C5: variants seen among roughly 807,000 people sequenced by gnomAD.
The protein encoded by C5 is complement C5.
A neutral mutation model predicts 218.8 loss-of-function variants in C5; 140 were observed. The ratio of observed to expected loss-of-function variants is 0.64; its 90% CI spans 0.56 to 0.74. C5 has a LOEUF of 0.74. Ranked by LOEUF, C5 falls within the 30% of genes least tolerant of loss-of-function variation. C5 has a pLI of 0.00. For synonymous variants in C5, 614 were observed against 682.3 expected (o/e 0.90, Z 1.56); for missense variants, 1,700 against 1,969.6 (o/e 0.86, Z 2.59).
intron 17 of C5, among the ~76,000 whole-genome samples, chr9:121,012,413 C>T (rs1240250232): frequency 6.6e-6 from 1 of 152,156 alleles, no homozygotes; most frequent in African/African-American, 2.4e-5. Context: ...ACTTGGGAGG[C>T]TGAGGCAGGA....
At chr9:121,019,395 A>G (rs2047344028) in intron 12 of C5, among the ~76,000 whole-genome samples, 1 of 152,176 alleles carries the variant, frequency 6.6e-6, no homozygotes, top group Admixed American at 6.5e-5. Flanking sequence ...GAAGCTCTTA[A>G]TATTTTCTGT....
At chr9:120,993,084 G>T (rs976905758) in intron 22 of C5, among the ~76,000 whole-genome samples, 8 of 152,144 alleles carry the variant, frequency 5.3e-5, no homozygotes, top group African/African-American at 1.4e-4. Context: ...GTAACCAGAA[G>T]AATCCAAATT....
chr9:120,973,472 T>C (rs1015035879), intron 30 of C5, among the ~76,000 whole-genome samples: 4 of 152,144 alleles, frequency 2.6e-5, no homozygotes, highest in South Asian at 2.1e-4. Context: ...CATGCATACG[T>C]CCTGTGACTG....
chr9:121,025,723 G>C (rs1291667061), intron 8 of C5, 143 bp from the exon 9 acceptor site: 2 of 722,140 alleles, frequency 2.8e-6, no homozygotes, highest in Non-Finnish European at 2.4e-6. Flanking sequence ...AGATAACCGA[G>C]TCCACGATTA....
chr9:121,022,560 C>A (rs1399534794), intron 10 of C5, among the ~76,000 whole-genome samples: 1 of 149,172 alleles, frequency 6.7e-6, no homozygotes, highest in African/African-American at 2.4e-5. Context: ...CTTAAAAGCC[C>A]ATGACCCACA....
At chr9:120,962,541 G>T in intron 36 of C5, 130 bp downstream of exon 36, 1 of 774,810 alleles carries the variant, frequency 1.3e-6, no homozygotes, top group Non-Finnish European at 2.3e-6. Context: ...TGTTCAAATT[G>T]GGACTTTCAT....
the C5 span, among the ~76,000 whole-genome samples, chr9:121,069,831 C>A: frequency 6.6e-6 from 1 of 152,136 alleles, no homozygotes; most frequent in Non-Finnish European, 1.5e-5. Flanking sequence ...GGGACTCATA[C>A]ACTGTTGGTG....
At chr9:120,963,322 T>C (rs533334487) in intron 34 of C5, among the ~76,000 whole-genome samples, 1 of 152,152 alleles carries the variant, frequency 6.6e-6, no homozygotes, top group East Asian at 1.9e-4. Flanking sequence ...CTGACTGACA[T>C]GGAGAAACCT....
upstream of C5, among the ~76,000 whole-genome samples, chr9:121,055,140 A>G (rs189318049): frequency 1.3e-5 from 2 of 151,988 alleles, no homozygotes; most frequent in Non-Finnish European, 2.9e-5. Flanking sequence ...TATACTTTCC[A>G]TGTATCGATT....
upstream of C5, among the ~76,000 whole-genome samples, chr9:121,050,956 T>G (rs575423855): frequency 2.0e-5 from 3 of 152,188 alleles, no homozygotes; most frequent in South Asian, 6.2e-4. Flanking sequence ...TCGTTCAAAG[T>G]TTGTCTTTAT....
At chr9:121,033,808 T>C (rs190329301) in intron 5 of C5, among the ~76,000 whole-genome samples, 22 of 152,204 alleles carry the variant, frequency 1.4e-4, no homozygotes, top group Non-Finnish European at 2.4e-4. Flanking sequence ...AGTGCAGCCA[T>C]GTATAGATGC....
intron 17 of C5, among the ~76,000 whole-genome samples, chr9:121,010,166 A>C (rs1036294254): frequency 1.3e-5 from 2 of 152,260 alleles, no homozygotes; most frequent in African/African-American, 4.8e-5. Context: ...AATAAAGGTC[A>C]TCCAAACTAG....
intron 34 of C5, 51 bp from the exon 35 acceptor site, chr9:120,963,018 T>C: frequency 7.2e-7 from 1 of 1,386,172 alleles, no homozygotes; most frequent in Admixed American, 1.7e-5. Flanking sequence ...TCTTTTTGTT[T>C]AAATGCATTC....
In C5 at chr9:121,020,210, T is replaced by C. The variant is rs748148538; in HGVS notation, c.1303-31A>G. On this transcript the variant is annotated intron_variant, in intron 11 of 40. Coordinates refer to ENST00000223642, the MANE Select transcript of C5 (RefSeq NM_001735.3). ...AAGAGAAATTTCAAAAAGACATGTA[T>C]ACTGTGATGTAATGCTTTCTGTAAA... is the stretch of plus-strand genomic sequence containing the variant. The C allele has an allele frequency of 1.0e-5, 14 of 1,391,150 alleles. No individual in the cohort carries two copies. The African/African-American group carries it at 1.7e-4, about 17-fold the overall frequency. 86.2% of individuals were successfully genotyped at this position (1,391,150 alleles called of 1,614,324 possible).
chr9:121,029,027 AT>A (rs1426378537), intron 7 of C5, among the ~76,000 whole-genome samples: 1 of 152,128 alleles, frequency 6.6e-6, no homozygotes, highest in Admixed American at 6.5e-5. Context: ...GTTTTCTTTT[AT>A]GTTTTTAAAA....
chr9:120,965,579 G>C (rs2131673924), intron 33 of C5, among the ~76,000 whole-genome samples: 1 of 152,060 alleles, frequency 6.6e-6, no homozygotes, highest in East Asian at 1.9e-4. Context: ...GTCCCCATTA[G>C]AAGTCATAGA....
At chr9:121,013,584 C>A (rs544307180) in intron 17 of C5, among the ~76,000 whole-genome samples, 1 of 152,068 alleles carries the variant, frequency 6.6e-6, no homozygotes, top group African/African-American at 2.4e-5. Flanking sequence ...AGGATCTGGT[C>A]GAAGCTCCTT....
chr9:120,999,135 G>A (rs929220743), intron 20 of C5, among the ~76,000 whole-genome samples: 3 of 152,036 alleles, frequency 2.0e-5, no homozygotes, highest in East Asian at 1.9e-4. Context: ...AGACTAAAAG[G>A]AACTTTTGAA....
chr9:121,057,717 G>C, the C5 span, among the ~76,000 whole-genome samples: 1 of 151,986 alleles, frequency 6.6e-6, no homozygotes, highest in African/African-American at 2.4e-5. Flanking sequence ...GAAAGGAAGA[G>C]AGGACCAACA....
Sources: gnomAD v4.1 joint callset for allele counts (sites outside exome capture counted in the v4.1 genomes callset) on GRCh38, gnomAD v4.1.1 for gene constraint, MANE v1.5 for transcripts, NCBI Gene and HGNC (gene_info 2026-07-23, HGNC 2026-07-21) for gene names.